Variants in PAN2 observed in about 807,000 individuals in gnomAD.
PAN2 encodes poly(A) specific ribonuclease subunit PAN2, also known as PAN2-PAN3 deadenylation complex catalytic subunit PAN2.
A neutral mutation model predicts 133.3 loss-of-function variants in PAN2; 68 were observed. The ratio of observed to expected loss-of-function variants is 0.51; its 90% confidence interval spans 0.42 to 0.62. The LOEUF (loss-of-function observed/expected upper bound fraction) is 0.62, where lower values mean the gene tolerates loss of function less well. Among genes scored for constraint, PAN2 ranks in the 20% least tolerant of loss-of-function variants. The probability of loss-of-function intolerance (pLI) is 0.00; values close to 1 mark genes in which losing one functional copy is unlikely to be tolerated. For synonymous variants in PAN2, 462 were observed against 544.6 expected, an observed-to-expected ratio of 0.85 and a Z score of 2.11; for missense variants, 1,042 against 1,500.5, an observed-to-expected ratio of 0.69 and a Z score of 5.05.
chr12:56,327,913 C>A, intron 5 of PAN2, 82 bp downstream of exon 5: 1 of 1,591,258 alleles, frequency 6.3e-7, no homozygotes, highest in Non-Finnish European at 8.6e-7. Flanking sequence ...AACTACACCC[C>A]AGAGTTAAGG....
chr12:56,319,579 A>G lies in PAN2; in HGVS notation c.3090+42T>C. 1 of 1,589,380 alleles carries G rather than the reference A, an allele frequency of 6.3e-7. No individual in the cohort carries two copies. The highest frequency in any genetic ancestry group is 8.6e-7 in the Non-Finnish European group (1 of 1,167,982). On this transcript the variant is annotated intron_variant, in intron 22 of 25. Coordinates refer to ENST00000440411, the MANE Select transcript of PAN2 (RefSeq NM_014871.6). The surrounding 1 kb of genome is among the most constrained non-coding windows in gnomAD (Gnocchi z 5.4). The stretch of plus-strand genomic sequence containing the variant: ...CCTGGGTTCTTGAGCACTGTAAGTA[A>G]GCACCAGGGTGTGCCTCACTTGCAT...
At chr12:56,322,264 T>G (rs915739898) in intron 19 of PAN2, 96 bp from the exon 20 acceptor site, 2 of 1,081,404 alleles carry the variant, frequency 1.8e-6, no homozygotes, top group Non-Finnish European at 2.8e-6. Context: ...CTAGTTTTTG[T>G]TTTTTTTCAG....
In PAN2 at chr12:56,326,398, G is replaced by C. The variant is rs1875132369; in HGVS notation, c.1274C>G (p.Pro425Arg). Residue 425 changes from proline to arginine, a missense_variant, in exon 8 of 26, where the codon CCC (proline) becomes CGC (arginine). Transcript: ENST00000440411. The stretch of plus-strand genomic sequence containing the variant: ...GGTGCGCAGAATCTCTGCATCCACG[G>C]GTGGTGCTCGCCTACAATCCAGCAT... Reference protein sequence around the residue: ...NSAPAPRRAPPVDAEILRTMK... With the variant: ...NSAPAPRRAPRVDAEILRTMK... 1 of 1,592,574 alleles carries C rather than the reference G, an allele frequency of 6.3e-7. No homozygotes were observed. Among genetic ancestry groups the C allele is most frequent in the Admixed American group, 1.7e-5 (1 of 58,292 alleles).
At chr12:56,328,133 C>T (rs2135986241) in intron 4 of PAN2, 61 bp from the exon 5 acceptor site, 1 of 1,608,822 alleles carries the variant, frequency 6.2e-7, no homozygotes, top group South Asian at 1.1e-5. Context: ...ACCAAGGGAA[C>T]AGAAAGGTCA....
In PAN2 at chr12:56,322,463, C is replaced by G; in HGVS notation, c.2657G>C (p.Trp886Ser). The G allele has an allele frequency of 6.2e-7, 1 of 1,613,834 alleles. No individual in the cohort carries two copies. ...QRKEGVTHQQ[W>S]YLFNDFLIEP... is the part of the protein sequence containing the mutation. ...AATAAGAAAGTCATTGAACAGATAC[C>G]ACTGCTGGTGAGTAACGCCCTATGG... Residue 886 changes from tryptophan to serine, a missense_variant, in exon 19 of 26, where the codon TGG becomes TCG. Coordinates refer to ENST00000440411, the MANE Select transcript of PAN2 (RefSeq NM_014871.6).
chr12:56,318,205 T>C lies in PAN2; in HGVS notation c.3562+32A>G, dbSNP rs775501783. The C allele has an allele frequency of 9.6e-6, 15 of 1,568,692 alleles. No individual in the cohort carries two copies. In the South Asian group the frequency reaches 1.7e-4, roughly 17 times the overall value. Reference sequence around the variant, plus strand: ...CAAACAAAATACAAAATCCACCCAGTCCAGTTTCCCTTGTCCCATCCCAGG... The same window carrying C: ...CAAACAAAATACAAAATCCACCCAGCCCAGTTTCCCTTGTCCCATCCCAGG... On this transcript the variant is annotated intron_variant, in intron 25 of 25. Coordinates refer to ENST00000440411, the MANE Select transcript of PAN2 (RefSeq NM_014871.6).
rs1422399042 is a variant in PAN2 at position 56,332,865 on chromosome 12, G to C, written c.230C>G (p.Ser77Cys). The C allele has an allele frequency of 6.2e-7, 1 of 1,614,206 alleles. No individual in the cohort carries two copies. The highest frequency in any genetic ancestry group is 1.1e-5 in the South Asian group (1 of 91,086). Residue 77 changes from serine (S) to cysteine (C), a missense_variant, in exon 2 of 26, where the codon TCC (serine) becomes TGC (cysteine). Ser to Cys is a moderately radical substitution (Grantham distance 112, BLOSUM62 -1). This residue lies in a region of PAN2 where 908 missense variants were observed against 1,223.5 expected (regional missense o/e 0.74). Coordinates refer to ENST00000440411, the MANE Select transcript of PAN2 (RefSeq NM_014871.6). ...SVVAEVGVPV[S>C]VSHFDLHEEM... The stretch of plus-strand genomic sequence containing the variant: ...CTCGTGCAAGTCAAAGTGGGAGACG[G>C]AAACAGGTACACCCACTTCAGCCAC...
intron 2 of PAN2, among the ~76,000 whole-genome samples, chr12:56,332,574 T>C (rs1038497927): frequency 7.2e-6 from 1 of 138,688 alleles, no homozygotes; most frequent in Non-Finnish European, 1.5e-5. Context: ...CACTCTGGCC[T>C]AGGCGACAGA....
intron 20 of PAN2, among the ~76,000 whole-genome samples, chr12:56,321,866 A>AT (rs57861276): frequency 1.3e-5 from 2 of 151,194 alleles, no homozygotes; most frequent in African/African-American, 2.4e-5. Flanking sequence ...AAAAAAAAAA[A>AT]TTTTTTTTCA....
At chr12:56,324,788 G>A (rs1351448244) in intron 10 of PAN2, 79 bp from the exon 11 acceptor site, 9 of 1,525,906 alleles carry the variant, frequency 5.9e-6, no homozygotes, top group South Asian at 1.3e-5. Context: ...GTGAGCTGGT[G>A]GAGAAAATGT....
rs1433888892 is a variant in PAN2, at chr12:56,327,512, G to A, written c.771C>T (p.Arg257=). Reference sequence around the variant, plus strand: ...AACGGTCGCAGGCCAGGCCAGTGAGGCGGCTGGAGAAGCCACAGGCAGCTA... The same window carrying A: ...AACGGTCGCAGGCCAGGCCAGTGAGACGGCTGGAGAAGCCACAGGCAGCTA... The part of the protein sequence containing the change: ...NLLAACGFSS[R]LTGLACDRFL... Residue 257 remains arginine (R), a synonymous_variant, in exon 6 of 26, where the codon CGC becomes CGT. Transcript: ENST00000440411. 1 of 1,614,216 alleles carries A rather than the reference G, an allele frequency of 6.2e-7. No individual in the cohort carries two copies. The highest frequency in any genetic ancestry group is 1.1e-5 in the South Asian group (1 of 91,084).
At position 56,325,394 on chromosome 12, in the gene PAN2, A is replaced by C. The variant is rs756350866; in HGVS notation, c.1420T>G (p.Ser474Ala). The change falls in exon 9 of 26, where the codon TCA (serine) becomes GCA (alanine). Residue 474 changes from serine (S) to alanine (A), a missense_variant. By Grantham distance (99) the Ser-to-Ala change is moderately conservative. This residue lies in a region of PAN2 where 908 missense variants were observed against 1,223.5 expected (regional missense o/e 0.74). Coordinates refer to ENST00000440411, the MANE Select transcript of PAN2 (RefSeq NM_014871.6). Reference sequence around the variant, plus strand: ...GGTTCCTCTTCTCGTCCTACTGGTGACTCAGTGACCTGGCTGAAGCTGTCA... The same window carrying C: ...GGTTCCTCTTCTCGTCCTACTGGTGCCTCAGTGACCTGGCTGAAGCTGTCA... The part of the protein sequence containing the change: ...EFDSFSQVTE[S>A]PVGREEEPHL... The C allele has an allele frequency of 1.1e-5, 18 of 1,613,954 alleles. No individual in the cohort carries two copies. Among genetic ancestry groups the C allele is most frequent in the Non-Finnish European group, 5.1e-6 (6 of 1,179,994 alleles).
intron 17 of PAN2, 46 bp from the exon 18 acceptor site, chr12:56,322,804 G>T (rs376177801): frequency 3.9e-5 from 57 of 1,453,314 alleles, no homozygotes; most frequent in Non-Finnish European, 5.0e-5. Flanking sequence ...TAAGGATGGG[G>T]AAGGGAGGGG....
Position 56,326,336 on chromosome 12 carries a change from G to A in PAN2, c.1336C>T (p.Pro446Ser). 1 of 1,604,734 alleles carries A rather than the reference G, an allele frequency of 6.2e-7. No individual in the cohort carries two copies. Among genetic ancestry groups the A allele is most frequent in the Admixed American group, 1.7e-5 (1 of 59,544 alleles). Residue 446 changes from proline (P) to serine (S), a missense_variant, in exon 8 of 26, where the codon CCC (proline) becomes TCC (serine). Pro to Ser is a moderately conservative substitution (Grantham distance 74). This residue lies in a region of PAN2 where 908 missense variants were observed against 1,223.5 expected (regional missense o/e 0.74). Coordinates refer to ENST00000440411, the MANE Select transcript of PAN2 (RefSeq NM_014871.6). ...KVGFIGYAPNPRTRLRNQIPY... is the reference protein window; with the variant it reads ...KVGFIGYAPNSRTRLRNQIPY... ...ACCTGATTGCGCAGCCTGGTGCGGG[G>A]ATTGGGCGCATAGCCAATGAAGCCC...
At chr12:56,328,120 C>T (rs1018825878) in intron 4 of PAN2, 48 bp from the exon 5 acceptor site, 9 of 1,611,704 alleles carry the variant, frequency 5.6e-6, no homozygotes, top group Non-Finnish European at 6.8e-6. Context: ...ATTTTTCCCA[C>T]AGACCAAGGG....
rs1875247487 is a variant in PAN2 at position 56,327,448 on chromosome 12, T to G, written c.835A>C (p.Thr279Pro). ...VYDLRMMRAI[T>P]PLQVHVDPAF... ...GGATCCACATGTACTTGAAGTGGTG[T>G]GATGGCACGCATCATGCGCAAATCA... Residue 279 changes from threonine to proline, a missense_variant, in exon 6 of 26, where the codon ACA becomes CCA. Physicochemically the swap from Thr to Pro is conservative, Grantham distance 38. Around this residue, in one of 3 missense-constraint regions of PAN2, gnomAD observed 908 missense variants for 1,223.5 expected, o/e 0.74. Transcript: ENST00000440411. 1 of 1,614,080 alleles carries G rather than the reference T, an allele frequency of 6.2e-7. No individual in the cohort carries two copies. The highest frequency in any genetic ancestry group is 1.3e-5 in the African/African-American group (1 of 74,938).
In PAN2 at chr12:56,319,571, TGTAA is replaced by T. The variant is rs1565631516; in HGVS notation, c.3090+46_3090+49del. ...CACTCTTCCCTGGGTTCTTGAGCAC[TGTAA>T]GTAAGCACCAGGGTGTGCCTCACTT... On this transcript the variant is annotated intron_variant, in intron 22 of 25. Coordinates refer to ENST00000440411, the MANE Select transcript of PAN2 (RefSeq NM_014871.6). The surrounding 1 kb of genome is among the most constrained non-coding windows in gnomAD (Gnocchi z 5.4). 6.3e-7 allele frequency: 1 copy of T among 1,590,176 alleles called. No homozygotes were observed. The highest frequency in any genetic ancestry group is 1.2e-5 in the South Asian group (1 of 86,706).
chr12:56,330,396 G>C (rs1270845802), intron 2 of PAN2, among the ~76,000 whole-genome samples: 1 of 108,036 alleles, frequency 9.3e-6, no homozygotes, highest in African/African-American at 3.6e-5. Flanking sequence ...GTCTCGCTCT[G>C]TCGCCCAGGC....
In PAN2 at chr12:56,319,326, G is replaced by A. The variant is rs745382075; in HGVS notation, c.3252C>T (p.Phe1084=). The change falls in exon 23 of 26, where the codon TTC becomes TTT. Residue 1084 remains phenylalanine, a synonymous_variant. Coordinates refer to ENST00000440411, the MANE Select transcript of PAN2 (RefSeq NM_014871.6). This position sits in a 1 kb window ranked among gnomAD's most constrained non-coding sequence, Gnocchi z 5.4. Reference sequence around the variant, plus strand: ...GCCAAACCATCAGGTTGATGACCCGGAAGTCCTTCTGCAGGCCATGACCCA... The same window carrying A: ...GCCAAACCATCAGGTTGATGACCCGAAAGTCCTTCTGCAGGCCATGACCCA... The part of the protein sequence containing the change: ...KFVGHGLQKD[F]RVINLMVPKD... The A allele has an allele frequency of 5.6e-6, 9 of 1,613,926 alleles. 1 individual carries two copies. In the South Asian group the frequency reaches 9.9e-5, roughly 18 times the overall value.
Sources: allele counts gnomAD v4.1 joint callset (sites outside exome capture counted in the v4.1 genomes callset), GRCh38; gene constraint gnomAD v4.1.1; regional missense constraint gnomAD v4.1.1; non-coding constraint Gnocchi (gnomAD v3.1); transcripts MANE v1.5; gene names NCBI Gene and HGNC (gene_info 2026-07-23, HGNC 2026-07-21).